Variants in ZNF277 observed in about 807,000 individuals in gnomAD.
The protein encoded by ZNF277 is nuclear receptor-interacting factor 4.
A neutral mutation model predicts 60.7 loss-of-function variants in ZNF277; 55 were observed. The ratio of observed to expected loss-of-function variants is 0.91; its 90% CI spans 0.73 to 1.13. ZNF277 has a LOEUF of 1.13. ZNF277 is among the 50% of genes most tolerant of loss of function. ZNF277 has a pLI of 0.00. For synonymous variants in ZNF277, 178 were observed against 179.3 expected (o/e 0.99, Z 0.06); for missense variants, 510 against 523.0 (o/e 0.98, Z 0.24).
chr7:112,296,065 T>C, intron 3 of ZNF277, 108 bp downstream of exon 3: 1 of 1,057,066 alleles, frequency 9.5e-7, no homozygotes, highest in South Asian at 1.4e-5. Flanking sequence ...TAGATAAAAT[T>C]AAATTGATGT....
chr7:112,233,684 C>T (rs1459924773), intron 1 of ZNF277, among the ~76,000 whole-genome samples: 3 of 152,108 alleles, frequency 2.0e-5, no homozygotes, highest in Non-Finnish European at 4.4e-5. Flanking sequence ...AAATTGACTA[C>T]AGGGTTATTA....
At chr7:112,339,135 A>G (rs1304616157) in intron 9 of ZNF277, among the ~76,000 whole-genome samples, 1 of 152,254 alleles carries the variant, frequency 6.6e-6, no homozygotes, top group African/African-American at 2.4e-5. Flanking sequence ...AAAATTACCT[A>G]TGTGGGGCAA....
intron 4 of ZNF277, among the ~76,000 whole-genome samples, chr7:112,300,895 A>G (rs560070099): frequency 3.2e-4 from 48 of 152,040 alleles, no homozygotes; most frequent in South Asian, 8.3e-4. Flanking sequence ...GTCAAATCCT[A>G]CCAGGTCCAG....
In ZNF277 at chr7:112,272,685, G is replaced by T. The variant is rs189292161; in HGVS notation, c.92-14188G>T. On this transcript the variant is annotated intron_variant, in intron 1 of 11. Transcript: ENST00000361822. ...ATTTTTGTATTTTTAGTAGTGACGG[G>T]GTTTCACCATGTTGGCCAGGCTGGT... 3.2e-3 allele frequency among the ~76,000 whole-genome samples: 493 copies of T among 152,152 alleles called. 1 individual carries two copies. Among genetic ancestry groups the T allele is most frequent in the Admixed American group, 0.01 (158 of 15,288 alleles).
At chr7:112,273,747 C>T (rs1262481557) in intron 1 of ZNF277, among the ~76,000 whole-genome samples, 1 of 152,080 alleles carries the variant, frequency 6.6e-6, no homozygotes, top group Non-Finnish European at 1.5e-5. Context: ...CAGAGCGAGA[C>T]TCCGTCTAAA....
intron 1 of ZNF277, among the ~76,000 whole-genome samples, chr7:112,212,694 A>T (rs1821781332): frequency 6.6e-6 from 1 of 152,160 alleles, no homozygotes; most frequent in Admixed American, 6.5e-5. Flanking sequence ...AAGCTTAGGA[A>T]TGTGTTGGTG....
chr7:112,298,293 A>G (rs1296432095), intron 4 of ZNF277, among the ~76,000 whole-genome samples: 2 of 152,230 alleles, frequency 1.3e-5, no homozygotes, highest in African/African-American at 4.8e-5. Context: ...CACTTAATAA[A>G]TATTAGCCAA....
chr7:112,292,803 A>G (rs1401213271), intron 2 of ZNF277, among the ~76,000 whole-genome samples: 2 of 152,176 alleles, frequency 1.3e-5, no homozygotes, highest in Non-Finnish European at 2.9e-5. Flanking sequence ...CTACCACTTT[A>G]GCCACCTATA....
At chr7:112,303,090 A>G (rs1385594117) in intron 4 of ZNF277, among the ~76,000 whole-genome samples, 2 of 151,704 alleles carry the variant, frequency 1.3e-5, no homozygotes, top group African/African-American at 4.8e-5. Flanking sequence ...AGCTGGGATC[A>G]CAGGTGTATG....
At chr7:112,276,088 C>T (rs1791787039) in intron 1 of ZNF277, among the ~76,000 whole-genome samples, 1 of 152,182 alleles carries the variant, frequency 6.6e-6, no homozygotes, top group South Asian at 2.1e-4. Flanking sequence ...TCAAGTCTAC[C>T]AGATGGTTTG....
intron 1 of ZNF277, among the ~76,000 whole-genome samples, chr7:112,218,011 A>G (rs760291825): frequency 1.4e-4 from 21 of 152,108 alleles, no homozygotes; most frequent in Non-Finnish European, 2.1e-4. Context: ...CTGATTCCCT[A>G]TCCACCAAAT....
chr7:112,273,413 T>A (rs1328776750), intron 1 of ZNF277, among the ~76,000 whole-genome samples: 1 of 152,184 alleles, frequency 6.6e-6, no homozygotes, highest in East Asian at 1.9e-4. Context: ...CCAGGCCACA[T>A]GGCCACTGCT....
intron 1 of ZNF277, among the ~76,000 whole-genome samples, chr7:112,272,708 G>A (rs1380705502): frequency 6.6e-6 from 1 of 152,080 alleles, no homozygotes; most frequent in Non-Finnish European, 1.5e-5. Context: ...TGGCCAGGCT[G>A]GTCTCAAACT....
intron 1 of ZNF277, among the ~76,000 whole-genome samples, chr7:112,218,314 C>T (rs1821939969): frequency 6.6e-6 from 1 of 152,206 alleles, no homozygotes; most frequent in East Asian, 1.9e-4. Flanking sequence ...CAATAGACTT[C>T]AGTAACTTGC....
rs114316485 is a variant in ZNF277, at chr7:112,297,449, C to T, written c.465+1138C>T. On this transcript the variant is annotated intron_variant, in intron 4 of 11. Coordinates refer to ENST00000361822, the MANE Select transcript of ZNF277 (RefSeq NM_021994.3). Reference sequence around the variant, plus strand: ...GATTTAAATATTTGTGCTATATCCTCAAGAGATCAAGGAGAAAAATAAATG... The same window carrying T: ...GATTTAAATATTTGTGCTATATCCTTAAGAGATCAAGGAGAAAAATAAATG... Among the ~76,000 whole-genome samples, 387 of 152,138 alleles carry T rather than the reference C, an allele frequency of 2.5e-3. 2 individuals are homozygous for T. Among genetic ancestry groups the T allele is most frequent in the African/African-American group, 8.5e-3 (352 of 41,484 alleles).
At chr7:112,233,460 A>G (rs1196507854) in intron 1 of ZNF277, among the ~76,000 whole-genome samples, 1 of 152,152 alleles carries the variant, frequency 6.6e-6, no homozygotes, top group Non-Finnish European at 1.5e-5. Context: ...TATCATCTCA[A>G]CTACTTTTAG....
rs1319137749 is a variant in ZNF277, at chr7:112,343,247, C to A, written c.*518C>A. Among the ~76,000 whole-genome samples the A allele has an allele frequency of 1.3e-5, 2 of 152,158 alleles. No homozygotes were observed. The highest frequency in any genetic ancestry group is 1.5e-5 in the Non-Finnish European group (1 of 68,036). On this transcript the variant is annotated 3_prime_UTR_variant, in exon 12 of 12. Coordinates refer to ENST00000361822, the MANE Select transcript of ZNF277 (RefSeq NM_021994.3). Reference sequence around the variant, plus strand: ...AATGGTCAAAGACGTGGATAATATGCAAATTGGCCATTATATTAGAACAAT... The same window carrying A: ...AATGGTCAAAGACGTGGATAATATGAAAATTGGCCATTATATTAGAACAAT...
At chr7:112,244,032 C>T (rs4730518) in intron 1 of ZNF277, among the ~76,000 whole-genome samples, 149,680 of 152,224 alleles carry the variant, frequency 0.98, 73,634 homozygotes, top group East Asian at 1. Context: ...ATTATCTTAA[C>T]TGAAATAACT....
At chr7:112,212,345 C>T (rs541825383) in intron 1 of ZNF277, among the ~76,000 whole-genome samples, 1 of 152,194 alleles carries the variant, frequency 6.6e-6, no homozygotes, top group East Asian at 1.9e-4. Context: ...TTTGACATGG[C>T]AATGGAAAGA....
Sources: gnomAD v4.1 joint callset for allele counts (sites outside exome capture counted in the v4.1 genomes callset) on GRCh38, gnomAD v4.1.1 for gene constraint, MANE v1.5 for transcripts, NCBI Gene and HGNC (gene_info 2026-07-23, HGNC 2026-07-21) for gene names.